The following MATN3 variants were observed in gnomAD, a reference collection of about 807,000 sequenced individuals.
The protein encoded by MATN3 is matrilin 3.
Under a neutral mutation model 45.3 loss-of-function variants are expected in MATN3, and 48 were observed. The ratio of observed to expected loss-of-function variants is 1.06; its 90% CI spans 0.84 to 1.35. MATN3 has a LOEUF of 1.35. Ranked by LOEUF, MATN3 falls within the 40% of genes most tolerant of loss-of-function variation. The probability of loss-of-function intolerance (pLI) is 0.00; values close to 1 mark genes in which losing one functional copy is unlikely to be tolerated. For synonymous variants in MATN3, 217 were observed against 245.9 expected, an observed-to-expected ratio of 0.88 and a Z score of 1.10; for missense variants, 599 against 628.0, an observed-to-expected ratio of 0.95 and a Z score of 0.49.
At chr2:20,007,781 A>C (rs1376167349) in intron 1 of MATN3, among the ~76,000 whole-genome samples, 1 of 152,140 alleles carries the variant, frequency 6.6e-6, no homozygotes, top group Non-Finnish European at 1.5e-5. Context: ...ACCTTCAAAG[A>C]ATTTATCTCT....
rs540562543 is a variant in MATN3, at chr2:19,992,823, A to G, written c.*288T>C. The G allele has an allele frequency of 5.7e-6, 2 of 353,064 alleles. No individual in the cohort carries two copies. Among genetic ancestry groups the G allele is most frequent in the South Asian group, 8.6e-5 (2 of 23,346 alleles). 21.9% of individuals were successfully genotyped at this position (353,064 alleles called of 1,614,324 possible). ...AAAAATTAAATGGCTCAATTAGTAG[A>G]TAAAGAAACACTAAACTTTTCATTC... On this transcript the variant is annotated 3_prime_UTR_variant, in exon 8 of 8. Coordinates refer to ENST00000407540, the MANE Select transcript of MATN3 (RefSeq NM_002381.5).
In MATN3 at chr2:20,006,129, G is replaced by A; in HGVS notation, c.405C>T (p.Phe135=). 6.2e-7 allele frequency: 1 copy of A among 1,613,660 alleles called. No homozygotes were observed. Among genetic ancestry groups the A allele is most frequent in the Non-Finnish European group, 8.5e-7 (1 of 1,179,796 alleles). The change falls in exon 2 of 8, where the codon TTC becomes TTT. Residue 135 remains phenylalanine, a synonymous_variant. Transcript: ENST00000407540. ...GCTTATCTGTGTAGGCCTGGAGTTG[G>A]AACTCGATCTTCACAGTGCTAGCAT... is the stretch of plus-strand genomic sequence containing the variant. ...VNYASTVKIE[F]QLQAYTDKQS...
intron 1 of MATN3, among the ~76,000 whole-genome samples, chr2:20,011,723 G>A (rs914420068): frequency 6.6e-6 from 1 of 152,224 alleles, no homozygotes; most frequent in African/African-American, 2.4e-5. Flanking sequence ...TGTGGCCTCT[G>A]ATACTGATTC....
intron 1 of MATN3, among the ~76,000 whole-genome samples, chr2:20,009,439 T>G (rs1341305629): frequency 6.6e-6 from 1 of 151,876 alleles, no homozygotes; most frequent in Non-Finnish European, 1.5e-5. Context: ...TGAGAACTCA[T>G]GGACATAGGG....
rs3820949 is a variant in MATN3 at position 19,994,275 on chromosome 2, G to C, written c.1405+24C>G. ...TACCTTGGTTGGCTCCAGGCAGAAG[G>C]AGAAAACCTTCCAGAAAGGATATGT... is the stretch of plus-strand genomic sequence containing the variant. On this transcript the variant is annotated intron_variant, in intron 7 of 7. Transcript: ENST00000407540. The C allele has an allele frequency of 0.44, 676,732 of 1,522,864 alleles. 153,781 individuals carry two copies. The highest frequency in any genetic ancestry group is 0.69 in the East Asian group (30,538 of 44,204). 94.3% of individuals were successfully genotyped at this position (1,522,864 alleles called of 1,614,324 possible). A position where few individuals can be genotyped will look rare whatever the true frequency, so the allele number is the denominator to read the frequency against.
intron 4 of MATN3, among the ~76,000 whole-genome samples, chr2:20,001,521 A>T (rs1264680157): frequency 3.3e-5 from 5 of 152,324 alleles, no homozygotes; most frequent in Admixed American, 3.3e-4. Context: ...TTGTGTCCAC[A>T]GTATTGAGCA....
intron 1 of MATN3, among the ~76,000 whole-genome samples, chr2:20,009,497 G>A (rs1015562152): frequency 6.6e-6 from 1 of 152,080 alleles, no homozygotes; most frequent in African/African-American, 2.4e-5. Flanking sequence ...GGGGCAAGAG[G>A]AGGGAGAGCA....
In MATN3 at chr2:20,005,984, A is replaced by G. The variant is rs1019356302; in HGVS notation, c.550T>C (p.Ser184Pro). ...ATGGCCACCTTAGGGATGTTAGAAG[A>G]GGGCTCTCGAGCCCCTGCCTCCACT... ...FTVEAGAREP[S>P]SNIPKVAIIV... Residue 184 changes from serine to proline, a missense_variant, in exon 2 of 8, where the codon TCT becomes CCT. Transcript: ENST00000407540. The G allele has an allele frequency of 6.2e-7, 1 of 1,613,928 alleles. No homozygotes were observed.
chr2:20,003,474 GC>G lies in MATN3; in HGVS notation c.791-189del, dbSNP rs552196926. Among the ~76,000 whole-genome samples the G allele has an allele frequency of 1.6e-4, 24 of 152,282 alleles. No individual in the cohort carries two copies. In the South Asian group the frequency reaches 4.8e-3, roughly 30 times the overall value. ...TGCTACTCTTAAACTAGAAATTGTT[GC>G]TAATTTAAAAGTACACATCTTGCTA... On this transcript the variant is annotated intron_variant, in intron 2 of 7. Transcript: ENST00000407540.
Position 20,006,008 on chromosome 2 carries a change from C to A in MATN3, c.526G>T (p.Val176Leu), listed in dbSNP as rs200762092. Residue 176 changes from valine (V) to leucine (L), a missense_variant, in exon 2 of 8, where the codon GTG (valine) becomes TTG (leucine). Transcript: ENST00000407540. ...IQTAMDEAFTVEAGAREPSSN... is the reference protein window; with the variant it reads ...IQTAMDEAFTLEAGAREPSSN... ...GAGGGCTCTCGAGCCCCTGCCTCCACTGTGAAGGCTTCGTCCATTGCTGTC... is the reference window on the plus strand; with the variant it reads ...GAGGGCTCTCGAGCCCCTGCCTCCAATGTGAAGGCTTCGTCCATTGCTGTC... 2.8e-4 allele frequency: 449 copies of A among 1,614,042 alleles called. 1 individual carries two copies. In the Middle Eastern group the frequency reaches 5.8e-3, roughly 21 times the overall value.
At position 20,012,468 on chromosome 2, in the gene MATN3, G is replaced by A. The variant is rs1365886240; in HGVS notation, c.164C>T (p.Ala55Val). The stretch of plus-strand genomic sequence containing the variant: ...GGAAGCGGGCGCGCCGTCGGGAGCC[G>A]CAGGAGAGGGGCGGCGTCCAGGGCT... ...GGSPGRRPSPAAPDGAPASGT... is the reference protein window; with the variant it reads ...GGSPGRRPSPVAPDGAPASGT... Residue 55 changes from alanine to valine, a missense_variant, in exon 1 of 8, where the codon GCG becomes GTG. By Grantham distance (64) the Ala-to-Val change is moderately conservative. Transcript: ENST00000407540. The surrounding 1 kb of genome is among the most constrained non-coding windows in gnomAD (Gnocchi z 4.3). 1.6e-6 allele frequency: 2 copies of A among 1,229,086 alleles called. No homozygotes were observed. The highest frequency in any genetic ancestry group is 2.0e-6 in the Non-Finnish European group (2 of 986,340). 76.1% of individuals were successfully genotyped at this position (1,229,086 alleles called of 1,614,324 possible).
At position 20,006,058 on chromosome 2, in the gene MATN3, C is replaced by G; in HGVS notation, c.476G>C (p.Gly159Ala). Reference protein sequence around the residue: ...AVGRITPLSTGTMSGLAIQTA... With the variant: ...AVGRITPLSTATMSGLAIQTA... ...CTGGATGGCTAGGCCTGACATGGTG[C>G]CTGTTGACAAGGGTGTGATTCGACC... Residue 159 changes from glycine to alanine, a missense_variant, in exon 2 of 8, where the codon GGC becomes GCC. Transcript: ENST00000407540. The G allele has an allele frequency of 1.2e-6, 2 of 1,613,992 alleles. No individual in the cohort carries two copies. The highest frequency in any genetic ancestry group is 1.7e-6 in the Non-Finnish European group (2 of 1,179,886).
At chr2:20,002,651 C>T (rs532085213) in intron 3 of MATN3, among the ~76,000 whole-genome samples, 46 of 152,224 alleles carry the variant, frequency 3.0e-4, no homozygotes, top group African/African-American at 1.1e-3. Context: ...TGTGGCAGTG[C>T]AGCAGAGGCA....
Position 20,005,935 on chromosome 2 carries a change from T to G in MATN3, c.599A>C (p.Gln200Pro), listed in dbSNP as rs1673094875. The change falls in exon 2 of 8, where the codon CAG (glutamine) becomes CCG (proline). Residue 200 changes from glutamine (Q) to proline (P), a missense_variant. By Grantham distance (76) the Gln-to-Pro change is moderately conservative (BLOSUM62 -1). Coordinates refer to ENST00000407540, the MANE Select transcript of MATN3 (RefSeq NM_002381.5). ...AGCCGCCACCTCATTCACCTGGTCC[T>G]GGGGCCTCCCATCTGTAACAATGAT... ...VAIIVTDGRP[Q>P]DQVNEVAARA... The G allele has an allele frequency of 6.2e-7, 1 of 1,613,708 alleles. No homozygotes were observed. Among genetic ancestry groups the G allele is most frequent in the Admixed American group, 1.7e-5 (1 of 59,978 alleles).
Position 19,997,203 on chromosome 2 carries a change from C to T in MATN3, c.1225G>A (p.Gly409Arg), listed in dbSNP as rs1672889799. Reference protein sequence around the residue: ...HGCQHICVSDGAASYHCDCYP... With the variant: ...HGCQHICVSDRAASYHCDCYP... ...CAATCACAGTGGTAGGATGCGGCCC[C>T]ATCACTCACACAAATGTGCTGGCAA... Residue 409 changes from glycine to arginine, a missense_variant, in exon 6 of 8, where the codon GGG becomes AGG. Transcript: ENST00000407540. The T allele has an allele frequency of 3.7e-6, 6 of 1,613,816 alleles. No homozygotes were observed. The highest frequency in any genetic ancestry group is 2.7e-5 in the African/African-American group (2 of 75,054).
Position 20,001,948 on chromosome 2 carries a change from C to T in MATN3, c.1042+7G>A. 1.2e-6 allele frequency: 2 copies of T among 1,612,750 alleles called. No homozygotes were observed. Among genetic ancestry groups the T allele is most frequent in the Non-Finnish European group, 1.7e-6 (2 of 1,179,246 alleles). On this transcript the variant is annotated splice_region_variant and intron_variant, in intron 4 of 7. Coordinates refer to ENST00000407540, the MANE Select transcript of MATN3 (RefSeq NM_002381.5). ...GTAGCAATAGTAAAGACTCCTCCCTCACTTACCTGAACAAGTTTTCCTGTC... is the reference window on the plus strand; with the variant it reads ...GTAGCAATAGTAAAGACTCCTCCCTTACTTACCTGAACAAGTTTTCCTGTC...
At chr2:20,005,371 G>A (rs1205873176) in intron 2 of MATN3, among the ~76,000 whole-genome samples, 1 of 152,082 alleles carries the variant, frequency 6.6e-6, no homozygotes, top group Non-Finnish European at 1.5e-5. Context: ...ATGTATCAGG[G>A]GAAAAAAATG....
rs773642745 is a variant in MATN3, at chr2:20,005,841, C to G, written c.693G>C (p.Lys231Asn). ...CCTCTAGGGGCTCACTGGCCATCAT[C>G]TTGAGGGACGCCATGTCTGCCCGGT... ...GVDRADMASLKMMASEPLEEH... is the reference protein window; with the variant it reads ...GVDRADMASLNMMASEPLEEH... The change falls in exon 2 of 8, where the codon AAG becomes AAC. Residue 231 changes from lysine to asparagine, a missense_variant. Lys to Asn is a moderately conservative substitution (Grantham distance 94). Transcript: ENST00000407540. 30 of 1,610,604 alleles carry G rather than the reference C, an allele frequency of 1.9e-5. No individual in the cohort carries two copies. The highest frequency in any genetic ancestry group is 1.3e-4 in the Admixed American group (8 of 59,446).
intron 1 of MATN3, 22 bp from the exon 2 acceptor site, chr2:20,006,332 T>A: frequency 6.7e-7 from 1 of 1,482,220 alleles, no homozygotes. Flanking sequence ...CAAGCAATGA[T>A]CAGACCACAA....
Sources: gnomAD v4.1 joint callset for allele counts (sites outside exome capture counted in the v4.1 genomes callset) on GRCh38, gnomAD v4.1.1 for gene constraint, Gnocchi (gnomAD v3.1) non-coding constraint, MANE v1.5 for transcripts, NCBI Gene and HGNC (gene_info 2026-07-23, HGNC 2026-07-21) for gene names.